The following KRT10 variants were observed in gnomAD, a reference collection of about 807,000 sequenced individuals.
The protein encoded by KRT10 is keratin, type I cytoskeletal 10.
A neutral mutation model predicts 59.2 loss-of-function variants in KRT10; 40 were observed. The ratio of observed to expected loss-of-function variants is 0.68; its 90% CI spans 0.52 to 0.88. The LOEUF (loss-of-function observed/expected upper bound fraction) is 0.88. KRT10 is among the 40% of genes least tolerant of loss of function. The pLI is 0.00. For missense variants in KRT10, 719 were observed against 749.1 expected, an observed-to-expected ratio of 0.96 and a Z score of 0.47; for synonymous variants, 336 against 310.7, an observed-to-expected ratio of 1.08 and a Z score of -0.86.
chr17:40,819,124 C>G lies in KRT10; in HGVS notation c.1411G>C (p.Gly471Arg), dbSNP rs565976410. 3.7e-5 allele frequency: 56 copies of G among 1,529,420 alleles called. No individual in the cohort carries two copies. The East Asian group carries it at 1.2e-3, about 32-fold the overall frequency. 94.7% of individuals were successfully genotyped at this position (1,529,420 alleles called of 1,614,324 possible). ...GGGRGGGSFG[G>R]GYGGGSSGGG... ...CCGGAGCTTCCGCCGCCGTAGCCGC[C>G]GCCGAAACTTCCGCCGCCGCGTCCG... The change falls in exon 7 of 8, where the codon GGC becomes CGC. Residue 471 changes from glycine (G) to arginine (R), a missense_variant. By Grantham distance (125) the Gly-to-Arg change is moderately radical. This residue lies in a region of KRT10 where 315 missense variants were observed against 270.6 expected (regional missense o/e 1.16). Transcript: ENST00000269576.
In KRT10 at chr17:40,820,426, G is replaced by A; in HGVS notation, c.868-3C>T. 6.2e-7 allele frequency: 1 copy of A among 1,614,178 alleles called. No homozygotes were observed. Among genetic ancestry groups the A allele is most frequent in the Non-Finnish European group, 8.5e-7 (1 of 1,180,022 alleles). On this transcript the variant is annotated splice_region_variant and splice_polypyrimidine_tract_variant and intron_variant, in intron 3 of 7. Coordinates refer to ENST00000269576, the MANE Select transcript of KRT10 (RefSeq NM_000421.5). ...ACATTTCGAAGGTCTTTCATTTCCT[G>A]TTTGAGGAACAGAAAGATTTATTGG...
rs1159409096 is a variant in KRT10, at chr17:40,819,468, GGAATATT to G, written c.1373+42_1373+48del. 4.6e-6 allele frequency: 7 copies of G among 1,522,360 alleles called. No individual in the cohort carries two copies. In the African/African-American group the frequency reaches 6.9e-5, roughly 15 times the overall value. 94.3% of individuals were successfully genotyped at this position (1,522,360 alleles called of 1,614,324 possible). A position where few individuals can be genotyped will look rare whatever the true frequency, so the allele number is the denominator to read the frequency against. On this transcript the variant is annotated intron_variant, in intron 6 of 7. Transcript: ENST00000269576. ...GGGGTTTAGATAAGCCTTGCTATCTGGAATATTGAATAAAAGAAACTGGGATAACTTT... is the reference window on the plus strand; with the variant it reads ...GGGGTTTAGATAAGCCTTGCTATCTGGAATAAAAGAAACTGGGATAACTTT...
At chr17:40,820,207 A>C in intron 4 of KRT10, 33 bp from the exon 5 acceptor site, 1 of 1,614,166 alleles carries the variant, frequency 6.2e-7, no homozygotes, top group South Asian at 1.1e-5. Flanking sequence ...AAGGGTGAGG[A>C]AATTCTGAAA....
In KRT10 at chr17:40,818,853, C is replaced by T. The variant is rs1303172957; in HGVS notation, c.1682G>A (p.Ser561Asn). 1 of 1,547,754 alleles carries T rather than the reference C, an allele frequency of 6.5e-7. No homozygotes were observed. The highest frequency in any genetic ancestry group is 1.2e-5 in the South Asian group (1 of 85,900). Residue 561 changes from serine (S) to asparagine (N), a missense_variant, in exon 7 of 8, where the codon AGC becomes AAC. Around this residue, in one of 4 missense-constraint regions of KRT10, gnomAD observed 315 missense variants for 270.6 expected, o/e 1.16. Coordinates refer to ENST00000269576, the MANE Select transcript of KRT10 (RefSeq NM_000421.5). ...SSSGGGYGGG[S>N]SSGGHKSSSS... ...GGAGGACTTGTGGCCTCCGCTGGAG[C>T]TGCCGCCGCCGTATCCGCCGCCGGA...
At chr17:40,819,882 C>T in intron 5 of KRT10, 148 bp from the exon 6 acceptor site, 1 of 1,118,458 alleles carries the variant, frequency 8.9e-7, no homozygotes, top group Non-Finnish European at 1.3e-6. Flanking sequence ...TCAGTTTCAG[C>T]ACTTTTAGAT....
intron 7 of KRT10, 139 bp downstream of exon 7, chr17:40,818,648 G>T (rs1426699649): frequency 7.1e-7 from 1 of 1,416,546 alleles, no homozygotes. Flanking sequence ...CTGGTGTTAA[G>T]AGTAGTTTGT....
rs757729391 is a variant in KRT10 at position 40,822,184 on chromosome 17, T to TCCA, written c.399_401dup (p.Gly134dup). ...AGAGAAGGCCACCATCTCCTCCAAATCCACCACCAAAGCCTCCTCCAAAGC... is the reference window on the plus strand; with the variant it reads ...AGAGAAGGCCACCATCTCCTCCAAATCCACCACCACCAAAGCCTCCTCCAAAGC... On this transcript the variant is annotated inframe_insertion, in exon 1 of 8. Coordinates refer to ENST00000269576, the MANE Select transcript of KRT10 (RefSeq NM_000421.5). 17 of 1,613,574 alleles carry TCCA rather than the reference T, an allele frequency of 1.1e-5. No individual in the cohort carries two copies. The African/African-American group carries it at 2.1e-4, about 20-fold the overall frequency.
rs1905416776 is a variant in KRT10 at position 40,821,990 on chromosome 17, T to A, written c.596A>T (p.Tyr199Phe). ...HQGEPRDYSKYYKTIDDLKNQ... is the reference protein window; with the variant it reads ...HQGEPRDYSKFYKTIDDLKNQ... ...TTTAAGGTCATCGATGGTTTTGTAG[T>A]ATTTGCTGTAGTCACGAGGCTCCCC... Residue 199 changes from tyrosine (Y) to phenylalanine (F), a missense_variant, in exon 1 of 8, where the codon TAC becomes TTC. Around this residue, in one of 4 missense-constraint regions of KRT10, gnomAD observed 221 missense variants for 277.8 expected, o/e 0.80. Transcript: ENST00000269576. 6.2e-7 allele frequency: 1 copy of A among 1,614,032 alleles called. No individual in the cohort carries two copies. The highest frequency in any genetic ancestry group is 1.3e-5 in the African/African-American group (1 of 74,930).
chr17:40,820,194 G>A lies in KRT10; in HGVS notation c.1030-20C>T. On this transcript the variant is annotated intron_variant, in intron 4 of 7. Transcript: ENST00000269576. ...CTTGCTCTAGAGTATTAAAAACAAG[G>A]AAAAGGGTGAGGAAATTCTGAAATG... is the stretch of plus-strand genomic sequence containing the variant. 1 of 1,614,090 alleles carries A rather than the reference G, an allele frequency of 6.2e-7. No homozygotes were observed. The highest frequency in any genetic ancestry group is 8.5e-7 in the Non-Finnish European group (1 of 1,179,968).
At position 40,819,056 on chromosome 17, in the gene KRT10, G is replaced by A; in HGVS notation, c.1479C>T (p.Gly493=). 2.8e-6 allele frequency: 2 copies of A among 714,940 alleles called. No individual in the cohort carries two copies. Among genetic ancestry groups the A allele is most frequent in the South Asian group, 2.6e-5 (1 of 38,144 alleles). The allele number at this position is 714,940 out of a possible 1,614,324, so 44.3% of individuals were successfully genotyped here. A position where few individuals can be genotyped will look rare whatever the true frequency, so the allele number is the denominator to read the frequency against. ...SGGGHGGGHG[G]SSGGGYGGGS... ...CGCCTCCGTAGCCGCCGCCGGAACT[G>A]CCGCCGTGGCCGCCGCCGTGGCCGC... The change falls in exon 7 of 8, where the codon GGC becomes GGT. Residue 493 remains glycine (G), a synonymous_variant. Coordinates refer to ENST00000269576, the MANE Select transcript of KRT10 (RefSeq NM_000421.5).
In KRT10 at chr17:40,819,024, G is replaced by A. The variant is rs767721911; in HGVS notation, c.1511C>T (p.Ser504Phe). 2 of 1,338,370 alleles carry A rather than the reference G, an allele frequency of 1.5e-6. No homozygotes were observed. Among genetic ancestry groups the A allele is most frequent in the East Asian group, 6.9e-5 (2 of 29,072 alleles). 82.9% of individuals were successfully genotyped at this position (1,338,370 alleles called of 1,614,324 possible). Residue 504 changes from serine to phenylalanine, a missense_variant, in exon 7 of 8, where the codon TCC becomes TTC. Ser to Phe is a radical substitution (Grantham distance 155). Coordinates refer to ENST00000269576, the MANE Select transcript of KRT10 (RefSeq NM_000421.5). ...SSGGGYGGGS[S>F]GGGSSGGGYG... ...GCCGCCGCCGGAGCTTCCGCCGCCG[G>A]AGCTTCCGCCTCCGTAGCCGCCGCC...
rs140697702 is a variant in KRT10 at position 40,820,285 on chromosome 17, C to T, written c.1006G>A (p.Ala336Thr). The change falls in exon 4 of 8, where the codon GCT becomes ACT. Residue 336 changes from alanine to threonine, a missense_variant. Coordinates refer to ENST00000269576, the MANE Select transcript of KRT10 (RefSeq NM_000421.5). ...EQLAEQNRKD[A>T]EAWFNEKSKE... ...ACCTTTTCATTGAACCAGGCTTCAG[C>T]ATCTTTGCGGTTTTGTTCAGCAAGT... 6.2e-7 allele frequency: 1 copy of T among 1,614,082 alleles called. No homozygotes were observed. Among genetic ancestry groups the T allele is most frequent in the Non-Finnish European group, 8.5e-7 (1 of 1,180,052 alleles).
chr17:40,820,254 T>A lies in KRT10; in HGVS notation c.1029+8A>T. The A allele has an allele frequency of 6.2e-7, 1 of 1,614,144 alleles. No homozygotes were observed. On this transcript the variant is annotated splice_region_variant and intron_variant, in intron 4 of 7. Coordinates refer to ENST00000269576, the MANE Select transcript of KRT10 (RefSeq NM_000421.5). ...CCATGAGTTTCACTATAAGGAAGAT[T>A]ACTTTACCTTTTCATTGAACCAGGC... is the stretch of plus-strand genomic sequence containing the variant.
In KRT10 at chr17:40,819,497, CT is replaced by C. The variant is rs769473481; in HGVS notation, c.1373+19del. The C allele has an allele frequency of 3.0e-5, 48 of 1,600,764 alleles. No individual in the cohort carries two copies. The South Asian group carries it at 4.7e-4, about 16-fold the overall frequency. On this transcript the variant is annotated intron_variant, in intron 6 of 7. Transcript: ENST00000269576. Reference sequence around the variant, plus strand: ...TATTGAATAAAAGAAACTGGGATAACTTTTCATTTTAAAATTTACCTTCCCT... The same window carrying C: ...TATTGAATAAAAGAAACTGGGATAACTTTCATTTTAAAATTTACCTTCCCT...
chr17:40,819,665 C>T lies in KRT10; in HGVS notation c.1225G>A (p.Ala409Thr). 6.2e-7 allele frequency: 1 copy of T among 1,614,182 alleles called. No homozygotes were observed. Among genetic ancestry groups the T allele is most frequent in the Non-Finnish European group, 8.5e-7 (1 of 1,180,044 alleles). ...RYCVQLSQIQ[A>T]QISALEEQLQ... is the part of the protein sequence containing the mutation. Reference sequence around the variant, plus strand: ...TGTTCTTCCAGAGCGGATATCTGGGCCTGAATCTGTGAGAGCTGCACACAG... The same window carrying T: ...TGTTCTTCCAGAGCGGATATCTGGGTCTGAATCTGTGAGAGCTGCACACAG... Residue 409 changes from alanine (A) to threonine (T), a missense_variant, in exon 6 of 8, where the codon GCC becomes ACC. Ala to Thr is a moderately conservative substitution (Grantham distance 58, BLOSUM62 0). This residue lies in a region of KRT10 where 315 missense variants were observed against 270.6 expected (regional missense o/e 1.16). Coordinates refer to ENST00000269576, the MANE Select transcript of KRT10 (RefSeq NM_000421.5).
Position 40,819,055 on chromosome 17 carries a change from T to C in KRT10, c.1480A>G (p.Ser494Gly). The change falls in exon 7 of 8, where the codon AGT (serine) becomes GGT (glycine). Residue 494 changes from serine (S) to glycine (G), a missense_variant. Physicochemically the swap from Ser to Gly is moderately conservative, Grantham distance 56. Transcript: ENST00000269576. ...GGGHGGGHGG[S>G]SGGGYGGGSS... ...CCGCCTCCGTAGCCGCCGCCGGAACTGCCGCCGTGGCCGCCGCCGTGGCCG... is the reference window on the plus strand; with the variant it reads ...CCGCCTCCGTAGCCGCCGCCGGAACCGCCGCCGTGGCCGCCGCCGTGGCCG... The C allele has an allele frequency of 2.9e-6, 4 of 1,373,632 alleles. No homozygotes were observed. The highest frequency in any genetic ancestry group is 2.8e-5 in the Admixed American group (1 of 35,326). The allele number at this position is 1,373,632 out of a possible 1,614,324, so 85.1% of individuals were successfully genotyped here.
Position 40,820,678 on chromosome 17 carries a change from C to CATG in KRT10, c.711-14_711-12dup. On this transcript the variant is annotated splice_polypyrimidine_tract_variant and intron_variant, in intron 2 of 7. Coordinates refer to ENST00000269576, the MANE Select transcript of KRT10 (RefSeq NM_000421.5). Reference sequence around the variant, plus strand: ...ACCTCATTCTCATACCTGAAACAAGCATGATATCAATACTGGTTATAACTT... The same window carrying CATG: ...ACCTCATTCTCATACCTGAAACAAGCATGATGATATCAATACTGGTTATAACTT... 1.9e-6 allele frequency: 3 copies of CATG among 1,614,004 alleles called. No homozygotes were observed. Among genetic ancestry groups the CATG allele is most frequent in the Non-Finnish European group, 2.5e-6 (3 of 1,179,912 alleles).
At chr17:40,819,843 G>A (rs1460730921) in intron 5 of KRT10, 109 bp from the exon 6 acceptor site, 1 of 1,165,730 alleles carries the variant, frequency 8.6e-7, no homozygotes, top group Non-Finnish European at 1.3e-6. Context: ...AAAATGAACA[G>A]AATTTGTTGT....
chr17:40,821,202 T>C, intron 1 of KRT10, 85 bp from the exon 2 acceptor site: 1 of 979,602 alleles, frequency 1.0e-6, no homozygotes, highest in Non-Finnish European at 1.6e-6. Context: ...TGCACTTTTA[T>C]GTTGTTCTCT....
Sources: gnomAD v4.1 joint callset for allele counts on GRCh38, gnomAD v4.1.1 for gene constraint, gnomAD v4.1.1 regional missense constraint, MANE v1.5 for transcripts, NCBI Gene and HGNC (gene_info 2026-07-23, HGNC 2026-07-21) for gene names.